Variants in GPATCH8 observed in about 807,000 individuals in gnomAD.
GPATCH8 encodes G patch domain-containing protein 8.
GPATCH8 carries 18 observed loss-of-function variants against 118.3 expected under a neutral mutation model. The ratio of observed to expected loss-of-function variants is 0.15; its 90% CI spans 0.11 to 0.23. GPATCH8 has a LOEUF of 0.23. Among genes scored for constraint, GPATCH8 ranks in the 10% least tolerant of loss-of-function variants. GPATCH8 has a pLI of 1.00. For synonymous variants in GPATCH8, 659 were observed against 684.7 expected (o/e 0.96, Z 0.59); for missense variants, 1,631 against 1,873.8 (o/e 0.87, Z 2.39).
chr17:44,465,815 TA>T, intron 2 of GPATCH8: 1 of 152,216 alleles, frequency 6.6e-6, no homozygotes, highest in East Asian at 1.9e-4. Context: ...TATTCAATGA[TA>T]AAGTGTTCTT....
At chr17:44,467,312 G>C (rs2051807423) in intron 2 of GPATCH8, 2 of 249,818 alleles carry the variant, frequency 8.0e-6, no homozygotes, top group Non-Finnish European at 1.7e-5. Flanking sequence ...ACAGTGAAAG[G>C]AAAAGCAAAT....
At chr17:44,419,235 G>A (rs1380676900) in intron 6 of GPATCH8, among the ~76,000 whole-genome samples, 1 of 152,190 alleles carries the variant, frequency 6.6e-6, no homozygotes. Context: ...GATAGAAGAT[G>A]CAAACTAGGG....
rs777603630 is a variant in GPATCH8 at position 44,401,383 on chromosome 17, T to G, written c.694A>C (p.Lys232Gln). 8.1e-6 allele frequency: 13 copies of G among 1,612,878 alleles called. No individual in the cohort carries two copies. Among genetic ancestry groups the G allele is most frequent in the African/African-American group, 1.3e-5 (1 of 74,888 alleles). The change falls in exon 8 of 8, where the codon AAA (lysine) becomes CAA (glutamine). Residue 232 changes from lysine (K) to glutamine (Q), a missense_variant. Lys to Gln is a moderately conservative substitution (Grantham distance 53, BLOSUM62 1). Coordinates refer to ENST00000591680, the MANE Select transcript of GPATCH8 (RefSeq NM_001002909.4). ...CCACTATTTGTAGCTGATTCATCTT[T>G]ATCATCTTCTCCACCTTCTTCATCT... ...AVDEEGGEDD[K>Q]DESATNSGTG...
chr17:44,490,536 T>G (rs1969163636), intron 1 of GPATCH8, among the ~76,000 whole-genome samples: 1 of 152,108 alleles, frequency 6.6e-6, no homozygotes, highest in Non-Finnish European at 1.5e-5. Context: ...TTTCATTATC[T>G]AAATCAACAC....
At chr17:44,436,917 T>C (rs556397625) in intron 3 of GPATCH8, 20 of 219,408 alleles carry the variant, frequency 9.1e-5, no homozygotes, top group African/African-American at 4.6e-4. Flanking sequence ...CCCACTGATA[T>C]CCTCCTACAC....
chr17:44,410,964 G>T (rs1031785901), intron 6 of GPATCH8, among the ~76,000 whole-genome samples: 1 of 152,098 alleles, frequency 6.6e-6, no homozygotes, highest in Non-Finnish European at 1.5e-5. Context: ...GCATTATATT[G>T]GCAGAAAAAC....
chr17:44,496,739 C>A (rs1969692816), intron 1 of GPATCH8, among the ~76,000 whole-genome samples: 1 of 152,162 alleles, frequency 6.6e-6, no homozygotes, highest in African/African-American at 2.4e-5. Context: ...GTTGCTTTTT[C>A]TTCCTAAATT....
chr17:44,435,411 CTTTTT>C lies in GPATCH8; in HGVS notation c.262-265_262-261del, dbSNP rs566253126. Among the ~76,000 whole-genome samples the C allele has an allele frequency of 8.6e-3, 853 of 99,750 alleles. 9 individuals carry two copies. The highest frequency in any genetic ancestry group is 0.03 in the African/African-American group (780 of 26,302). The allele number at this position is 99,750 out of a possible 152,430, so 65.4% of individuals were successfully genotyped here. ...ATGTTAATTTTCTTTTCTTTCTTTCCTTTTTTTTTTTTTTTTTTTGAGATGGAGTT... is the reference window on the plus strand; with the variant it reads ...ATGTTAATTTTCTTTTCTTTCTTTCCTTTTTTTTTTTTTTGAGATGGAGTT... On this transcript the variant is annotated intron_variant, in intron 4 of 7. Coordinates refer to ENST00000591680, the MANE Select transcript of GPATCH8 (RefSeq NM_001002909.4).
intron 5 of GPATCH8, among the ~76,000 whole-genome samples, chr17:44,427,606 A>T (rs2143938543): frequency 6.6e-6 from 1 of 152,272 alleles, no homozygotes; most frequent in African/African-American, 2.4e-5. Flanking sequence ...AGGCAGAAGC[A>T]GATATGAATT....
In GPATCH8 at chr17:44,442,664, C is replaced by A. The variant is rs189373362; in HGVS notation, c.194-6119G>T. 3.2e-3 allele frequency among the ~76,000 whole-genome samples: 481 copies of A among 152,328 alleles called. 1 individual carries two copies. Among genetic ancestry groups the A allele is most frequent in the Non-Finnish European group, 5.3e-3 (360 of 68,030 alleles). ...ATTTTTAGTAGAGATGGGGTTTCACCATATTGCTCAGGCTGGTCTCAAACT... is the reference window on the plus strand; with the variant it reads ...ATTTTTAGTAGAGATGGGGTTTCACAATATTGCTCAGGCTGGTCTCAAACT... On this transcript the variant is annotated intron_variant, in intron 3 of 7. Coordinates refer to ENST00000591680, the MANE Select transcript of GPATCH8 (RefSeq NM_001002909.4).
At chr17:44,401,776 G>A (rs758443442) in intron 7 of GPATCH8, among the ~76,000 whole-genome samples, 5 of 151,436 alleles carry the variant, frequency 3.3e-5, no homozygotes, top group Admixed American at 1.3e-4. Context: ...GGCCAAGGTG[G>A]ACAGACTGCT....
intron 1 of GPATCH8, among the ~76,000 whole-genome samples, chr17:44,483,878 G>T (rs951736021): frequency 1.3e-5 from 2 of 151,844 alleles, no homozygotes; most frequent in African/African-American, 4.8e-5. Flanking sequence ...GTCTCATTCT[G>T]TTGCCCAGGC....
At chr17:44,435,688 A>G (rs1042754662) in intron 4 of GPATCH8, among the ~76,000 whole-genome samples, 11 of 140,158 alleles carry the variant, frequency 7.8e-5, no homozygotes, top group Non-Finnish European at 1.7e-4. Flanking sequence ...CAGTGCTGGG[A>G]TTACAGGCGT....
intron 5 of GPATCH8, among the ~76,000 whole-genome samples, chr17:44,430,763 C>T (rs569789852): frequency 9.9e-5 from 15 of 151,844 alleles, no homozygotes; most frequent in Non-Finnish European, 2.1e-4. Context: ...CTGCCTCAGC[C>T]TCCTGAGTAG....
chr17:44,399,312 C>A lies in GPATCH8; in HGVS notation c.2765G>T (p.Arg922Leu). ...DDSDYASSKH[R>L]SKRHKYSSSD... ...AGATGAATATTTGTGCCGTTTTGAT[C>A]GGTGTTTGGAGCTGGCATAGTCTGA... Residue 922 changes from arginine (R) to leucine (L), a missense_variant, in exon 8 of 8, where the codon CGA becomes CTA. By Grantham distance (102) the Arg-to-Leu change is moderately radical. Around this residue, in one of 8 missense-constraint regions of GPATCH8, gnomAD observed 922 missense variants for 879.7 expected, o/e 1.05. Coordinates refer to ENST00000591680, the MANE Select transcript of GPATCH8 (RefSeq NM_001002909.4). The A allele has an allele frequency of 6.2e-7, 1 of 1,613,866 alleles. No individual in the cohort carries two copies. The highest frequency in any genetic ancestry group is 8.5e-7 in the Non-Finnish European group (1 of 1,179,806).
At chr17:44,433,116 G>C (rs975601213) in intron 5 of GPATCH8, among the ~76,000 whole-genome samples, 9 of 151,818 alleles carry the variant, frequency 5.9e-5, no homozygotes. Context: ...GTGATCCACC[G>C]CACCCAGCCG....
chr17:44,397,973 A>G lies in GPATCH8; in HGVS notation c.4104T>C (p.Ser1368=), dbSNP rs777555331. Residue 1368 remains serine (S), a synonymous_variant, in exon 8 of 8, where the codon TCT becomes TCC. Coordinates refer to ENST00000591680, the MANE Select transcript of GPATCH8 (RefSeq NM_001002909.4). Reference sequence around the variant, plus strand: ...GCTGAACAGTTGTGATGGAGGTGGCAGAGGCTGTAGCTGGCTGCTGAATGT... The same window carrying G: ...GCTGAACAGTTGTGATGGAGGTGGCGGAGGCTGTAGCTGGCTGCTGAATGT... ...PIHIQQPATA[S]ATSITTVQHA... 1 of 1,614,046 alleles carries G rather than the reference A, an allele frequency of 6.2e-7. No homozygotes were observed. Among genetic ancestry groups the G allele is most frequent in the Non-Finnish European group, 8.5e-7 (1 of 1,179,944 alleles).
intron 5 of GPATCH8, 70 bp from the exon 6 acceptor site, chr17:44,424,562 A>G (rs560203673): frequency 9.2e-4 from 1,047 of 1,134,292 alleles, no homozygotes; most frequent in Middle Eastern, 2.0e-3. Context: ...TGTTATAGAG[A>G]AAACAGTCTA....
chr17:44,472,955 A>T (rs1390876392), intron 2 of GPATCH8, among the ~76,000 whole-genome samples: 3 of 151,794 alleles, frequency 2.0e-5, no homozygotes, highest in Non-Finnish European at 4.4e-5. Context: ...CGGCCTCCCA[A>T]AGTGCTGGGA....
Sources: allele counts gnomAD v4.1 joint callset (sites outside exome capture counted in the v4.1 genomes callset), GRCh38; gene constraint gnomAD v4.1.1; regional missense constraint gnomAD v4.1.1; transcripts MANE v1.5; gene names NCBI Gene and HGNC (gene_info 2026-07-23, HGNC 2026-07-21).